PRKAG2: variants seen among roughly 807,000 people sequenced by gnomAD.
PRKAG2 encodes 5'-AMP-activated protein kinase subunit gamma-2.
PRKAG2 carries 26 observed loss-of-function variants against 69.6 expected under a neutral mutation model. The ratio of observed to expected loss-of-function variants is 0.37; its 90% CI spans 0.27 to 0.52. The LOEUF is 0.52. Ranked by LOEUF, PRKAG2 falls within the 20% of genes least tolerant of loss-of-function variation. The pLI is 0.90. For missense variants in PRKAG2, 557 were observed against 740.0 expected, an observed-to-expected ratio of 0.75 and a Z score of 2.87; for synonymous variants, 293 against 285.0, an observed-to-expected ratio of 1.03 and a Z score of -0.28.
At chr7:151,685,097 C>T (rs552156703) in intron 3 of PRKAG2, among the ~76,000 whole-genome samples, 6 of 152,164 alleles carry the variant, frequency 3.9e-5, no homozygotes, top group Admixed American at 2.6e-4. Context: ...CTACACAGAG[C>T]GGGCCTGCCT....
At chr7:151,560,288 C>T (rs1804619865) in intron 15 of PRKAG2, 2 of 1,416,132 alleles carry the variant, frequency 1.4e-6, no homozygotes, top group South Asian at 2.6e-5. Flanking sequence ...ATTTAGGGGG[C>T]CACTGGACCT....
At chr7:151,833,435 A>G (rs1275146059) in intron 1 of PRKAG2, among the ~76,000 whole-genome samples, 1 of 152,070 alleles carries the variant, frequency 6.6e-6, no homozygotes, top group Admixed American at 6.5e-5. Context: ...TGGAAAGGAG[A>G]GGGTGGAAGC....
At chr7:151,748,499 T>C (rs905329582) in intron 3 of PRKAG2, among the ~76,000 whole-genome samples, 2 of 152,206 alleles carry the variant, frequency 1.3e-5, no homozygotes, top group African/African-American at 4.8e-5. Flanking sequence ...GGTTTAACAC[T>C]GATAAATCAT....
chr7:151,785,271 G>T (rs147464627), intron 2 of PRKAG2, among the ~76,000 whole-genome samples: 1 of 152,224 alleles, frequency 6.6e-6, no homozygotes, highest in Non-Finnish European at 1.5e-5. Flanking sequence ...CAGATCTTCC[G>T]TGCAAGGTTT....
intron 3 of PRKAG2, among the ~76,000 whole-genome samples, chr7:151,698,131 TGA>T (rs929901404): frequency 4.6e-5 from 7 of 152,262 alleles, no homozygotes; most frequent in East Asian, 1.9e-4. Context: ...CAACCCTGCC[TGA>T]GAGTTTCCTC....
chr7:151,628,489 G>T (rs574727419), intron 5 of PRKAG2, among the ~76,000 whole-genome samples: 5 of 152,316 alleles, frequency 3.3e-5, no homozygotes, highest in Non-Finnish European at 7.4e-5. Flanking sequence ...GCAGCCGGCA[G>T]ATCACTTGAG....
intron 1 of PRKAG2, among the ~76,000 whole-genome samples, chr7:151,813,447 T>C (rs2078525543): frequency 6.8e-6 from 1 of 147,964 alleles, no homozygotes; most frequent in Non-Finnish European, 1.5e-5. Flanking sequence ...AATCACAGAC[T>C]TGAAGCAGAC....
At chr7:151,742,216 C>G (rs2073942457) in intron 3 of PRKAG2, among the ~76,000 whole-genome samples, 1 of 146,038 alleles carries the variant, frequency 6.8e-6, no homozygotes, top group Non-Finnish European at 1.5e-5. Context: ...ATTCAATACC[C>G]TAGCCTGAAT....
chr7:151,707,063 T>C (rs1838753629), intron 3 of PRKAG2, among the ~76,000 whole-genome samples: 2 of 152,198 alleles, frequency 1.3e-5, no homozygotes, highest in African/African-American at 4.8e-5. Flanking sequence ...CAGCCCTGTC[T>C]CAGTTTCAGA....
At chr7:151,568,455 G>A (rs1478782393) in intron 11 of PRKAG2, among the ~76,000 whole-genome samples, 1 of 152,158 alleles carries the variant, frequency 6.6e-6, no homozygotes, top group African/African-American at 2.4e-5. Context: ...GGTGACAAAT[G>A]TTTTAATTTA....
intron 4 of PRKAG2, among the ~76,000 whole-genome samples, chr7:151,672,154 T>C (rs1444803564): frequency 6.6e-6 from 1 of 150,766 alleles, no homozygotes; most frequent in African/African-American, 2.5e-5. Flanking sequence ...CAGGCTGGAG[T>C]GCAGTGGCGC....
intron 5 of PRKAG2, among the ~76,000 whole-genome samples, chr7:151,612,499 C>T (rs936989163): frequency 3.3e-5 from 5 of 152,330 alleles, no homozygotes; most frequent in African/African-American, 1.2e-4. Context: ...AGGCAAGACA[C>T]TGCCACTGCT....
chr7:151,820,426 T>C (rs1255426609), intron 1 of PRKAG2, among the ~76,000 whole-genome samples: 3 of 132,182 alleles, frequency 2.3e-5, no homozygotes, highest in Non-Finnish European at 4.9e-5. Context: ...GGGCACACTC[T>C]ACTCGGAACA....
At chr7:151,728,806 C>T (rs1206641650) in intron 3 of PRKAG2, among the ~76,000 whole-genome samples, 1 of 152,134 alleles carries the variant, frequency 6.6e-6, no homozygotes, top group African/African-American at 2.4e-5. Flanking sequence ...ACGCACCTCG[C>T]TGACACCCCA....
intron 5 of PRKAG2, among the ~76,000 whole-genome samples, chr7:151,612,593 G>A (rs1819127927): frequency 6.6e-6 from 1 of 152,212 alleles, no homozygotes; most frequent in Non-Finnish European, 1.5e-5. Flanking sequence ...GCCATGGTCT[G>A]GTTCTGCCCC....
chr7:151,736,337 T>C, intron 3 of PRKAG2: 1 of 1,107,940 alleles, frequency 9.0e-7, no homozygotes, highest in East Asian at 5.6e-5. Flanking sequence ...TCGCAGGGGA[T>C]TTGTTGATGT....
chr7:151,575,473 C>T (rs750804978), intron 7 of PRKAG2, among the ~76,000 whole-genome samples: 6 of 152,060 alleles, frequency 3.9e-5, no homozygotes, highest in Non-Finnish European at 7.4e-5. Context: ...GCAGACATAA[C>T]GATCATTTCA....
chr7:151,733,219 C>A (rs1252911969), intron 3 of PRKAG2, among the ~76,000 whole-genome samples: 1 of 152,242 alleles, frequency 6.6e-6, no homozygotes, highest in African/African-American at 2.4e-5. Context: ...GTCAGACATA[C>A]TATCAACCCA....
chr7:151,804,821 A>G (rs1443521071), intron 1 of PRKAG2, among the ~76,000 whole-genome samples: 1 of 152,168 alleles, frequency 6.6e-6, no homozygotes, highest in East Asian at 1.9e-4. Context: ...AGGTCATAAA[A>G]TCCACTCAGG....
Sources: gnomAD v4.1 joint callset for allele counts (sites outside exome capture counted in the v4.1 genomes callset) on GRCh38, gnomAD v4.1.1 for gene constraint, MANE v1.5 for transcripts, NCBI Gene and HGNC (gene_info 2026-07-23, HGNC 2026-07-21) for gene names.